THRB: variants seen among roughly 807,000 people sequenced by gnomAD.
THRB encodes the protein nuclear receptor subfamily 1 group A member 2.
THRB carries 12 observed loss-of-function variants against 47.8 expected under a neutral mutation model. The ratio of observed to expected loss-of-function variants is 0.25; its 90% CI spans 0.16 to 0.41. The LOEUF (loss-of-function observed/expected upper bound fraction) is 0.41. THRB is among the 10% of genes least tolerant of loss of function. The pLI, the probability that THRB is intolerant of heterozygous loss-of-function variation, is 1.00. For missense variants in THRB, 348 were observed against 589.2 expected (o/e 0.59, Z 4.24); for synonymous variants, 218 against 212.2 (o/e 1.03, Z -0.24).
At chr3:24,338,102 T>C (rs13073268) in intron 1 of THRB, among the ~76,000 whole-genome samples, 49,964 of 152,024 alleles carry the variant, frequency 0.33, 10,357 homozygotes, top group African/African-American at 0.57. Context: ...CGTAGAAATT[T>C]TAGAAAAACA....
intron 2 of THRB, among the ~76,000 whole-genome samples, chr3:24,313,867 T>C (rs1412777965): frequency 6.6e-6 from 1 of 152,042 alleles, no homozygotes; most frequent in Non-Finnish European, 1.5e-5. Context: ...GAAATATAAA[T>C]CTGATGCAAA....
intron 2 of THRB, among the ~76,000 whole-genome samples, chr3:24,322,455 G>A (rs987681964): frequency 6.6e-6 from 1 of 152,042 alleles, no homozygotes; most frequent in Non-Finnish European, 1.5e-5. Flanking sequence ...TATTTGCTTT[G>A]GGCCAGGCCC....
Position 24,229,027 on chromosome 3 carries a change from TCA to T in THRB, c.-42-28_-42-27del. On this transcript the variant is annotated intron_variant, in intron 3 of 10. Coordinates refer to ENST00000646209, the MANE Select transcript of THRB (RefSeq NM_001354712.2). ...CTACAAGGAAAAAATACAAAAAAAA[TCA>T]CAGATTATAATCTGCATTTTCCATA... 5 of 1,295,278 alleles carry T rather than the reference TCA, an allele frequency of 3.9e-6. No individual in the cohort carries two copies. The Middle Eastern group carries it at 5.7e-4, about 148-fold the overall frequency. 80.2% of individuals were successfully genotyped at this position (1,295,278 alleles called of 1,614,324 possible).
chr3:24,399,037 T>A (rs185093621), intron 1 of THRB, among the ~76,000 whole-genome samples: 3 of 151,532 alleles, frequency 2.0e-5, no homozygotes, highest in African/African-American at 4.9e-5. Flanking sequence ...ATGAGAACAC[T>A]TGGACACAGG....
At chr3:24,126,891 G>C (rs191576664) in intron 10 of THRB, among the ~76,000 whole-genome samples, 1 of 152,128 alleles carries the variant, frequency 6.6e-6, no homozygotes, top group Non-Finnish European at 1.5e-5. Context: ...TTCTGTTTTC[G>C]TGTGCTTGGG....
intron 1 of THRB, among the ~76,000 whole-genome samples, chr3:24,422,211 A>T (rs976148843): frequency 6.6e-6 from 1 of 151,978 alleles, no homozygotes; most frequent in African/African-American, 2.4e-5. Context: ...AATTGTTCAC[A>T]AAGCCTGTGC....
intron 1 of THRB, among the ~76,000 whole-genome samples, chr3:24,415,450 T>C (rs1405302712): frequency 2.0e-5 from 3 of 151,920 alleles, no homozygotes; most frequent in Non-Finnish European, 4.4e-5. Flanking sequence ...TTTTGCAGGA[T>C]TGACTCTACA....
In THRB at chr3:24,188,860, T is replaced by TATATATATATATATATATATATATATAA. The variant is rs573969398; in HGVS notation, c.283+1213_283+1214insTTATATATATATATATATATATATATAT. ...TTTCAATTTCTCAGATCTCCTCAAATATATATATATATATATATATATATG... is the reference window on the plus strand; with the variant it reads ...TTTCAATTTCTCAGATCTCCTCAAATATATATATATATATATATATATATATAAATATATATATATATATATATATATG... On this transcript the variant is annotated intron_variant, in intron 5 of 10. Transcript: ENST00000646209. Among the ~76,000 whole-genome samples, 319 of 131,092 alleles carry TATATATATATATATATATATATATATAA rather than the reference T, an allele frequency of 2.4e-3. 4 individuals carry two copies. Among genetic ancestry groups the TATATATATATATATATATATATATATAA allele is most frequent in the Non-Finnish European group, 3.8e-3 (234 of 62,236 alleles). The allele number at this position is 131,092 out of a possible 152,430, so 86.0% of individuals were successfully genotyped here. A position where few individuals can be genotyped will look rare whatever the true frequency, so the allele number is the denominator to read the frequency against.
At chr3:24,211,987 G>C (rs1559616024) in intron 4 of THRB, among the ~76,000 whole-genome samples, 1 of 152,200 alleles carries the variant, frequency 6.6e-6, no homozygotes, top group Non-Finnish European at 1.5e-5. Context: ...ATTGAGGCTG[G>C]GCACGGTGGT....
chr3:24,257,645 G>C (rs898263674), intron 3 of THRB, among the ~76,000 whole-genome samples: 1 of 152,188 alleles, frequency 6.6e-6, no homozygotes, highest in African/African-American at 2.4e-5. Flanking sequence ...CATGCAGTGT[G>C]AAAGCAGCCA....
In THRB at chr3:24,190,218, T is replaced by C. The variant is rs538327722; in HGVS notation, c.139A>G (p.Ser47Gly). The C allele has an allele frequency of 2.5e-6, 4 of 1,614,138 alleles. No homozygotes were observed. In the East Asian group the frequency reaches 8.9e-5, roughly 36 times the overall value. ...LHRKSHSERRSTLKNEQSSPH... is the reference protein window; with the variant it reads ...LHRKSHSERRGTLKNEQSSPH... ...GACGACTGTTCATTTTTCAACGTGC[T>C]GCGCCTCTCTGAATGGCTCTTCCTA... is the stretch of plus-strand genomic sequence containing the variant. Residue 47 changes from serine (S) to glycine (G), a missense_variant, in exon 5 of 11, where the codon AGC (serine) becomes GGC (glycine). Around this residue, in one of 5 missense-constraint regions of THRB, gnomAD observed 148 missense variants for 122.3 expected, o/e 1.21. Transcript: ENST00000646209.
At chr3:24,400,672 G>A (rs1315449829) in intron 1 of THRB, among the ~76,000 whole-genome samples, 2 of 152,030 alleles carry the variant, frequency 1.3e-5, no homozygotes, top group Non-Finnish European at 2.9e-5. Flanking sequence ...TGAATCGTAG[G>A]TCTATATATA....
chr3:24,220,137 C>T (rs138821988), intron 4 of THRB, among the ~76,000 whole-genome samples: 12 of 152,150 alleles, frequency 7.9e-5, no homozygotes, highest in African/African-American at 2.9e-4. Context: ...AGTCTTGGGC[C>T]CCCACCTGGA....
intron 5 of THRB, among the ~76,000 whole-genome samples, chr3:24,186,705 G>A (rs553280160): frequency 6.6e-6 from 1 of 152,208 alleles, no homozygotes; most frequent in South Asian, 2.1e-4. Flanking sequence ...CACCACTTTG[G>A]GAGGCTGAGG....
At chr3:24,306,436 G>C (rs2057340713) in intron 2 of THRB, among the ~76,000 whole-genome samples, 1 of 152,214 alleles carries the variant, frequency 6.6e-6, no homozygotes, top group South Asian at 2.1e-4. Flanking sequence ...AAGATGATTG[G>C]GTTGTCATAA....
chr3:24,415,639 T>C (rs2068673666), intron 1 of THRB, among the ~76,000 whole-genome samples: 1 of 151,900 alleles, frequency 6.6e-6, no homozygotes, highest in Non-Finnish European at 1.5e-5. Flanking sequence ...AAAAAAAATA[T>C]TTCAAGAAAT....
intron 3 of THRB, among the ~76,000 whole-genome samples, chr3:24,280,001 G>T (rs549396479): frequency 1.6e-4 from 24 of 152,274 alleles, no homozygotes; most frequent in Non-Finnish European, 2.9e-4. Flanking sequence ...TCACCAGATA[G>T]TTAATAGGGT....
intron 3 of THRB, among the ~76,000 whole-genome samples, chr3:24,269,903 T>C (rs1481201005): frequency 6.6e-6 from 1 of 152,202 alleles, no homozygotes; most frequent in Non-Finnish European, 1.5e-5. Flanking sequence ...AAAAATAATT[T>C]TGGTCCTTCC....
chr3:24,382,701 C>T (rs949284046), intron 1 of THRB, among the ~76,000 whole-genome samples: 2 of 152,182 alleles, frequency 1.3e-5, no homozygotes, highest in African/African-American at 4.8e-5. Context: ...CTTATCATCT[C>T]TTTCCAATCA....
Sources: gnomAD v4.1 joint callset for allele counts (sites outside exome capture counted in the v4.1 genomes callset) on GRCh38, gnomAD v4.1.1 for gene constraint, gnomAD v4.1.1 regional missense constraint, MANE v1.5 for transcripts, NCBI Gene and HGNC (gene_info 2026-07-23, HGNC 2026-07-21) for gene names.